Variants in SH3GL3 observed in about 807,000 individuals in gnomAD.
The protein encoded by SH3GL3 is SH3 domain containing GRB2 like 3, endophilin A3.
In SH3GL3, 33 loss-of-function variants were observed where a neutral mutation model predicts 47.7. The observed-to-expected ratio is 0.69, with a 90% CI of 0.52 to 0.92. The LOEUF (loss-of-function observed/expected upper bound fraction) is 0.92, where lower values mean the gene tolerates loss of function less well. Among genes scored for constraint, SH3GL3 ranks in the 40% least tolerant of loss-of-function variants. The pLI is 0.00. For missense variants in SH3GL3, 363 were observed against 417.8 expected, an observed-to-expected ratio of 0.87 and a Z score of 1.14; for synonymous variants, 155 against 148.8, an observed-to-expected ratio of 1.04 and a Z score of -0.30.
intron 1 of SH3GL3, among the ~76,000 whole-genome samples, chr15:83,497,867 C>T (rs1323056584): frequency 1.3e-5 from 2 of 152,198 alleles, no homozygotes; most frequent in Non-Finnish European, 2.9e-5. Context: ...TTGACCATCT[C>T]CTTCTGGAAA....
At chr15:83,491,084 GCTGGGGAGAGT>G (rs2041853969) in intron 1 of SH3GL3, among the ~76,000 whole-genome samples, 2 of 152,196 alleles carry the variant, frequency 1.3e-5, no homozygotes, top group Admixed American at 6.5e-5. Context: ...TCTAATGTGT[GCTGGGGAGAGT>G]CCGAGAATCC....
At chr15:83,467,239 G>A (rs1371823612) in intron 1 of SH3GL3, among the ~76,000 whole-genome samples, 1 of 152,220 alleles carries the variant, frequency 6.6e-6, no homozygotes, top group African/African-American at 2.4e-5. Flanking sequence ...GACTTAGGTT[G>A]TTTTCTTTGC....
At chr15:83,497,052 A>G (rs886495348) in intron 1 of SH3GL3, among the ~76,000 whole-genome samples, 2 of 152,004 alleles carry the variant, frequency 1.3e-5, no homozygotes, top group African/African-American at 2.4e-5. Flanking sequence ...GCCCTCTAAC[A>G]TCTGTCTTCT....
At chr15:83,539,503 A>C (rs2044064558) in intron 1 of SH3GL3, among the ~76,000 whole-genome samples, 1 of 152,234 alleles carries the variant, frequency 6.6e-6, no homozygotes, top group Admixed American at 6.5e-5. Context: ...GAGGGGACGC[A>C]AACATTCAAG....
intron 1 of SH3GL3, among the ~76,000 whole-genome samples, chr15:83,497,324 A>T (rs1289010406): frequency 6.6e-6 from 1 of 151,896 alleles, no homozygotes; most frequent in African/African-American, 2.4e-5. Flanking sequence ...GGACATCTAG[A>T]GCCTATTGTT....
Position 83,447,712 on chromosome 15 carries a change from G to T in SH3GL3, c.45+134G>T. Reference sequence around the variant, plus strand: ...TCAATTTCTTCCCGCCTAGGAGGGCGCGAGGGTGGGGTGAGGGGCCGCCTG... The same window carrying T: ...TCAATTTCTTCCCGCCTAGGAGGGCTCGAGGGTGGGGTGAGGGGCCGCCTG... On this transcript the variant is annotated intron_variant, in intron 1 of 8. Transcript: ENST00000427482. This position sits in a 1 kb window ranked among gnomAD's most constrained non-coding sequence, Gnocchi z 5.1. The T allele has an allele frequency of 1.7e-6, 1 of 584,704 alleles. No individual in the cohort carries two copies. Among genetic ancestry groups the T allele is most frequent in the Non-Finnish European group, 2.8e-6 (1 of 362,474 alleles). 36.2% of individuals were successfully genotyped at this position (584,704 alleles called of 1,614,324 possible). A position where few individuals can be genotyped will look rare whatever the true frequency, so the allele number is the denominator to read the frequency against.
chr15:83,504,882 T>C (rs552209996), intron 1 of SH3GL3, among the ~76,000 whole-genome samples: 9 of 152,294 alleles, frequency 5.9e-5, no homozygotes, highest in Admixed American at 3.3e-4. Flanking sequence ...ACATAACTAT[T>C]CTGACTTTTA....
chr15:83,483,368 A>C lies in SH3GL3; in HGVS notation c.45+35790A>C, dbSNP rs562956949. 2.6e-5 allele frequency among the ~76,000 whole-genome samples: 4 copies of C among 152,356 alleles called. No homozygotes were observed. The South Asian group carries it at 6.2e-4, about 24-fold the overall frequency. On this transcript the variant is annotated intron_variant, in intron 1 of 8. Transcript: ENST00000427482. ...GTATGATAGCCACTCACCATGCATG[A>C]CTACTGAGCATTTGAAATGTGGCTA...
At chr15:83,507,796 A>G (rs1184904780) in intron 1 of SH3GL3, among the ~76,000 whole-genome samples, 2 of 152,216 alleles carry the variant, frequency 1.3e-5, no homozygotes, top group Non-Finnish European at 2.9e-5. Flanking sequence ...CTTGGAATAT[A>G]TCTATGAGCA....
intron 3 of SH3GL3, among the ~76,000 whole-genome samples, chr15:83,568,021 C>T (rs1424254877): frequency 2.0e-5 from 3 of 146,886 alleles, no homozygotes; most frequent in Non-Finnish European, 4.5e-5. Flanking sequence ...TCGCTCTTGT[C>T]CCCCAGGCTA....
chr15:83,567,459 G>T (rs1408292294), intron 3 of SH3GL3, among the ~76,000 whole-genome samples: 1 of 152,162 alleles, frequency 6.6e-6, no homozygotes, highest in Non-Finnish European at 1.5e-5. Flanking sequence ...ACAGGGCCCA[G>T]TGCAACAATG....
At chr15:83,588,366 G>A (rs2151806729) in intron 7 of SH3GL3, among the ~76,000 whole-genome samples, 1 of 152,206 alleles carries the variant, frequency 6.6e-6, no homozygotes, top group Non-Finnish European at 1.5e-5. Context: ...CCTGACCTCA[G>A]GTGAGCACCT....
chr15:83,510,176 A>T (rs1471756364), intron 1 of SH3GL3, among the ~76,000 whole-genome samples: 1 of 152,074 alleles, frequency 6.6e-6, no homozygotes, highest in Non-Finnish European at 1.5e-5. Context: ...ATGCACAGCA[A>T]CTCTGTAATA....
chr15:83,556,948 C>A (rs2044992002), intron 1 of SH3GL3, among the ~76,000 whole-genome samples: 1 of 152,184 alleles, frequency 6.6e-6, no homozygotes, highest in African/African-American at 2.4e-5. Context: ...AACAAGGCAG[C>A]CCAGACTTGG....
At chr15:83,620,614 G>A (rs958287319), downstream of SH3GL3, among the ~76,000 whole-genome samples, 3 of 152,144 alleles carry the variant, frequency 2.0e-5, no homozygotes, top group Non-Finnish European at 4.4e-5. Flanking sequence ...TATTTAGTAA[G>A]CCATGCTATA....
intron 8 of SH3GL3, among the ~76,000 whole-genome samples, chr15:83,598,376 C>T (rs1381077271): frequency 6.6e-6 from 1 of 152,226 alleles, no homozygotes; most frequent in East Asian, 1.9e-4. Context: ...ACCTCATTTC[C>T]TCCATCTGCT....
rs1382271815 is a variant in SH3GL3 at position 83,530,481 on chromosome 15, AGTGTTT to A, written c.46-28771_46-28766del. ...TCCTGTCACTTCTCTGCTAAATTCCAGTGTTTTCTTTTAGATGTTCTATTTGAAATG... is the reference window on the plus strand; with the variant it reads ...TCCTGTCACTTCTCTGCTAAATTCCATCTTTTAGATGTTCTATTTGAAATG... On this transcript the variant is annotated intron_variant, in intron 1 of 8. Coordinates refer to ENST00000427482, the MANE Select transcript of SH3GL3 (RefSeq NM_003027.5). Among the ~76,000 whole-genome samples, 4 of 151,924 alleles carry A rather than the reference AGTGTTT, an allele frequency of 2.6e-5. No individual in the cohort carries two copies. In the East Asian group the frequency reaches 7.7e-4, roughly 29 times the overall value.
intron 6 of SH3GL3, among the ~76,000 whole-genome samples, chr15:83,577,499 C>T (rs576037847): frequency 2.6e-5 from 4 of 152,254 alleles, no homozygotes; most frequent in South Asian, 2.1e-4. Flanking sequence ...CTCCCAGGCT[C>T]AAGCGATCTT....
downstream of SH3GL3, among the ~76,000 whole-genome samples, chr15:83,619,738 T>C (rs920039469): frequency 1.3e-5 from 2 of 152,230 alleles, no homozygotes; most frequent in African/African-American, 4.8e-5. Flanking sequence ...GTTCTTGATA[T>C]TGATAGCCAC....
Sources: allele counts gnomAD v4.1 joint callset (sites outside exome capture counted in the v4.1 genomes callset), GRCh38; gene constraint gnomAD v4.1.1; non-coding constraint Gnocchi (gnomAD v3.1); transcripts MANE v1.5; gene names NCBI Gene and HGNC (gene_info 2026-07-23, HGNC 2026-07-21).